Variants in ADGRL3 observed in about 807,000 individuals in gnomAD.
ADGRL3 encodes the protein calcium-independent alpha-latrotoxin receptor 3.
A neutral mutation model predicts 153.5 loss-of-function variants in ADGRL3; 62 were observed. That is an observed-to-expected ratio of 0.40 (90% confidence interval 0.33 to 0.50). ADGRL3 has a LOEUF of 0.50. ADGRL3 is among the 20% of genes least tolerant of loss of function. ADGRL3 has a pLI of 0.47. For missense variants in ADGRL3, 1,641 were observed against 1,859.4 expected (o/e 0.88, Z 2.16); for synonymous variants, 710 against 672.5 (o/e 1.06, Z -0.86).
At chr4:61,550,116 A>G (rs2098733435) in intron 4 of ADGRL3, among the ~76,000 whole-genome samples, 1 of 152,004 alleles carries the variant, frequency 6.6e-6, no homozygotes, top group Non-Finnish European at 1.5e-5. Context: ...AAGGAGAGAT[A>G]AAATTCCTTA....
rs747679292 is a variant in ADGRL3, at chr4:62,075,867, A to T, written c.*4959A>T. The stretch of plus-strand genomic sequence containing the variant: ...CTTTATAACATCTTAAAAATATTAA[A>T]CAATTAAATTTTCATTTGTAGGCTA... On this transcript the variant is annotated 3_prime_UTR_variant, in exon 27 of 27. Transcript: ENST00000683033. The T allele has an allele frequency of 7.2e-5, 11 of 152,188 alleles. No individual in the cohort carries two copies. Among genetic ancestry groups the T allele is most frequent in the Non-Finnish European group, 1.0e-4 (7 of 68,026 alleles). The allele number at this position is 152,188 out of a possible 1,614,324, so 9.4% of individuals were successfully genotyped here.
intron 2 of ADGRL3, among the ~76,000 whole-genome samples, chr4:61,387,876 A>G (rs548954621): frequency 6.6e-6 from 1 of 152,176 alleles, no homozygotes; most frequent in Non-Finnish European, 1.5e-5. Flanking sequence ...TGATTGGGGA[A>G]GTGGTAAGTG....
At chr4:61,357,814 T>C (rs1479436214) in intron 1 of ADGRL3, among the ~76,000 whole-genome samples, 1 of 152,040 alleles carries the variant, frequency 6.6e-6, no homozygotes, top group Admixed American at 6.6e-5. Flanking sequence ...GTTTACTATA[T>C]TTAAAATGGA....
intron 1 of ADGRL3, among the ~76,000 whole-genome samples, chr4:61,304,263 AT>A (rs1205133124): frequency 6.6e-6 from 1 of 152,154 alleles, no homozygotes; most frequent in East Asian, 1.9e-4. Context: ...AATGCATTTG[AT>A]TTTAATCCAG....
intron 2 of ADGRL3, among the ~76,000 whole-genome samples, chr4:61,476,708 T>TAAAAAAAAAAAAAAAAAAAAA (rs34866230): frequency 3.0e-5 from 1 of 33,558 alleles, no homozygotes; most frequent in Non-Finnish European, 4.8e-5. Flanking sequence ...AGACTCTGTC[T>TAAAAAAAAAAAAAAAAAAAAA]AAAAAAAAAA....
At chr4:61,464,485 A>G (rs2097857414) in intron 2 of ADGRL3, among the ~76,000 whole-genome samples, 1 of 152,114 alleles carries the variant, frequency 6.6e-6, no homozygotes, top group African/African-American at 2.4e-5. Context: ...TTGTTTCTTT[A>G]TATGATATTT....
In ADGRL3 at chr4:62,017,064, T is replaced by C. The variant is rs995299793; in HGVS notation, c.3396-11791T>C. ...ATCTGACAAATGTATTGAACATTATTAAATAGATAGAACAACTTTTCTCTG... is the reference window on the plus strand; with the variant it reads ...ATCTGACAAATGTATTGAACATTATCAAATAGATAGAACAACTTTTCTCTG... On this transcript the variant is annotated intron_variant, in intron 21 of 26. Coordinates refer to ENST00000683033, the MANE Select transcript of ADGRL3 (RefSeq NM_001387552.1). Among the ~76,000 whole-genome samples the C allele has an allele frequency of 2.6e-5, 4 of 152,094 alleles. No individual in the cohort carries two copies. In the East Asian group the frequency reaches 7.7e-4, roughly 29 times the overall value.
rs367855714 is a variant in ADGRL3 at position 61,979,699 on chromosome 4, A to G, written c.2942A>G (p.His981Arg). The stretch of plus-strand genomic sequence containing the variant: ...CTCCAGAGTGACCGTAACACCATCC[A>G]CAAGAACCTCTGCATCAGTCTCTTT... ...RGLQSDRNTI[H>R]KNLCISLFVA... The change falls in exon 18 of 27, where the codon CAC (histidine) becomes CGC (arginine). Residue 981 changes from histidine (H) to arginine (R), a missense_variant. Physicochemically the swap from His to Arg is conservative, Grantham distance 29. Coordinates refer to ENST00000683033, the MANE Select transcript of ADGRL3 (RefSeq NM_001387552.1). The G allele has an allele frequency of 6.2e-7, 1 of 1,613,948 alleles. No homozygotes were observed. Among genetic ancestry groups the G allele is most frequent in the Non-Finnish European group, 8.5e-7 (1 of 1,179,930 alleles).
At chr4:61,836,201 A>C (rs2097932292) in intron 9 of ADGRL3, among the ~76,000 whole-genome samples, 1 of 152,184 alleles carries the variant, frequency 6.6e-6, no homozygotes, top group African/African-American at 2.4e-5. Flanking sequence ...CACAAAGATT[A>C]ATCTCTTTAA....
chr4:61,628,647 G>T (rs1025473842), intron 5 of ADGRL3, among the ~76,000 whole-genome samples: 1 of 152,060 alleles, frequency 6.6e-6, no homozygotes, highest in African/African-American at 2.4e-5. Context: ...CATGGAAGAT[G>T]GTTGGTTCTT....
chr4:61,386,389 A>T (rs573083207), intron 2 of ADGRL3, among the ~76,000 whole-genome samples: 3 of 152,286 alleles, frequency 2.0e-5, no homozygotes, highest in Non-Finnish European at 4.4e-5. Context: ...AAGTGATTAA[A>T]CTTGTCCTAA....
chr4:61,212,036 A>G (rs897835147), intron 1 of ADGRL3: 1 of 152,222 alleles, frequency 6.6e-6, no homozygotes, highest in African/African-American at 2.4e-5. Context: ...AAAATCCCCA[A>G]GATGTGACAT....
rs548323608 is a variant in ADGRL3 at position 61,600,617 on chromosome 4, T to C, written c.473+13177T>C. ...ATTATAAACATAGAAAAATCTGTTT[T>C]TTCCACAAGGATAGCACCAGAGTGC... On this transcript the variant is annotated intron_variant, in intron 5 of 26. Coordinates refer to ENST00000683033, the MANE Select transcript of ADGRL3 (RefSeq NM_001387552.1). Among the ~76,000 whole-genome samples, 5 of 152,310 alleles carry C rather than the reference T, an allele frequency of 3.3e-5. No individual in the cohort carries two copies. In the South Asian group the frequency reaches 1.0e-3, roughly 32 times the overall value.
chr4:61,523,339 T>C (rs768407015), intron 4 of ADGRL3, among the ~76,000 whole-genome samples: 1 of 152,118 alleles, frequency 6.6e-6, no homozygotes, highest in Non-Finnish European at 1.5e-5. Context: ...CTTTTGGATG[T>C]ATCTCTTTGC....
At chr4:61,880,813 G>A (rs751068744) in intron 9 of ADGRL3, among the ~76,000 whole-genome samples, 21 of 151,678 alleles carry the variant, frequency 1.4e-4, no homozygotes, top group Non-Finnish European at 2.5e-4. Flanking sequence ...TTTCTTTTTC[G>A]TTATTTAAAT....
chr4:61,348,150 A>G (rs1271124366), intron 1 of ADGRL3, among the ~76,000 whole-genome samples: 4 of 152,082 alleles, frequency 2.6e-5, no homozygotes, highest in South Asian at 2.1e-4. Context: ...AAACTACATC[A>G]AATCAAACCC....
chr4:61,289,302 A>C (rs1434022732), intron 1 of ADGRL3, among the ~76,000 whole-genome samples: 1 of 151,980 alleles, frequency 6.6e-6, no homozygotes, highest in Non-Finnish European at 1.5e-5. Context: ...CTTTCCTCTG[A>C]GTAAAATTTG....
intron 8 of ADGRL3, among the ~76,000 whole-genome samples, chr4:61,780,192 G>T (rs2097198575): frequency 6.6e-6 from 1 of 152,292 alleles, no homozygotes; most frequent in South Asian, 2.1e-4. Context: ...CCTGTTTTGT[G>T]TCCTCACAGA....
intron 21 of ADGRL3, among the ~76,000 whole-genome samples, chr4:62,020,958 A>T (rs564839423): frequency 5.1e-4 from 77 of 152,242 alleles, no homozygotes; most frequent in African/African-American, 1.8e-3. Context: ...TAAACTAATA[A>T]TCTAAAAGAA....
Sources: gnomAD v4.1 joint callset for allele counts (sites outside exome capture counted in the v4.1 genomes callset) on GRCh38, gnomAD v4.1.1 for gene constraint, MANE v1.5 for transcripts, NCBI Gene and HGNC (gene_info 2026-07-23, HGNC 2026-07-21) for gene names.